The following WASHC4 variants were observed in gnomAD, a reference collection of about 807,000 sequenced individuals.
WASHC4 encodes the protein WASH complex subunit 7.
In WASHC4, 86 loss-of-function variants were observed where a neutral mutation model predicts 166.6. The observed-to-expected ratio is 0.52, with a 90% CI of 0.43 to 0.62. WASHC4 has a LOEUF of 0.62. Among genes scored for constraint, WASHC4 ranks in the 20% least tolerant of loss-of-function variants. The pLI is 0.00. For synonymous variants in WASHC4, 446 were observed against 451.6 expected, an observed-to-expected ratio of 0.99 and a Z score of 0.16; for missense variants, 1,262 against 1,382.4, an observed-to-expected ratio of 0.91 and a Z score of 1.38.
rs1336242651 is a variant in WASHC4, at chr12:105,157,270, G to C, written c.2860G>C (p.Glu954Gln). ...TGATCTTGAAGATATTGTAAATTTTGAAGAACTAGTAAAAGAAGAAGGTCT... is the reference window on the plus strand; with the variant it reads ...TGATCTTGAAGATATTGTAAATTTTCAAGAACTAGTAAAAGAAGAAGGTCT... ...VPDLEDIVNF[E>Q]ELVKEEGLAE... is the part of the protein sequence containing the mutation. The change falls in exon 28 of 33, where the codon GAA becomes CAA. Residue 954 changes from glutamate (E) to glutamine (Q), a missense_variant. Physicochemically the swap from Glu to Gln is conservative, Grantham distance 29 (BLOSUM62 2). Transcript: ENST00000332180. 3 of 1,565,676 alleles carry C rather than the reference G, an allele frequency of 1.9e-6. No individual in the cohort carries two copies. The highest frequency in any genetic ancestry group is 2.7e-5 in the African/African-American group (2 of 73,954).
chr12:105,164,344 T>TA (rs1437167085), intron 31 of WASHC4, 37 bp downstream of exon 31: 14 of 1,533,736 alleles, frequency 9.1e-6, no homozygotes, highest in African/African-American at 2.7e-5. Flanking sequence ...TGCTTTGACT[T>TA]ACCATTTGAT....
intron 25 of WASHC4, among the ~76,000 whole-genome samples, chr12:105,150,176 A>T (rs1237236562): frequency 6.6e-6 from 1 of 152,264 alleles, no homozygotes; most frequent in Non-Finnish European, 1.5e-5. Flanking sequence ...TATTATACAT[A>T]GCATTTTGCA....
intron 6 of WASHC4, among the ~76,000 whole-genome samples, chr12:105,118,191 C>T (rs1316335260): frequency 2.0e-5 from 3 of 151,050 alleles, no homozygotes; most frequent in Non-Finnish European, 4.4e-5. Flanking sequence ...ATATAAGTAA[C>T]TACAATATTA....
rs78835783 is a variant in WASHC4 at position 105,111,784 on chromosome 12, A to G, written c.201+520A>G. ...ATTTTGAAATATTTCTTTTATCTTTAAAATTAGTTTGTTACCACTTGAAAA... is the reference window on the plus strand; with the variant it reads ...ATTTTGAAATATTTCTTTTATCTTTGAAATTAGTTTGTTACCACTTGAAAA... On this transcript the variant is annotated intron_variant, in intron 2 of 32. Transcript: ENST00000332180. Among the ~76,000 whole-genome samples, 596 of 152,302 alleles carry G rather than the reference A, an allele frequency of 3.9e-3. 20 individuals carry two copies. In the East Asian group the frequency reaches 0.073, roughly 19 times the overall value.
In WASHC4 at chr12:105,144,834, A is replaced by AT; in HGVS notation, c.2297dup (p.Met766IlefsTer16). ...AGCTACTCAGCGTTATGGACTGGTT[A>AT]TGACAGAGGCACATCTTCCCAGTCA... On this transcript the variant is annotated frameshift_variant, in exon 22 of 33. Transcript: ENST00000332180. LOFTEE classifies it high-confidence loss of function. 1 of 1,613,314 alleles carries AT rather than the reference A, an allele frequency of 6.2e-7. No homozygotes were observed. Among genetic ancestry groups the AT allele is most frequent in the Non-Finnish European group, 8.5e-7 (1 of 1,179,498 alleles).
rs1244843443 is a variant in WASHC4, at chr12:105,107,772, G to A, written c.-29G>A. The A allele has an allele frequency of 3.9e-6, 6 of 1,535,482 alleles. No individual in the cohort carries two copies. The highest frequency in any genetic ancestry group is 1.2e-5 in the South Asian group (1 of 83,664). Reference sequence around the variant, plus strand: ...CCGTCGTCGCCGCACGGGCTGGTTGGGGCTGTGTCTGTGGGAGGCGCCGGG... The same window carrying A: ...CCGTCGTCGCCGCACGGGCTGGTTGAGGCTGTGTCTGTGGGAGGCGCCGGG... On this transcript the variant is annotated 5_prime_UTR_variant, in exon 1 of 33. Coordinates refer to ENST00000332180, the MANE Select transcript of WASHC4 (RefSeq NM_015275.3).
chr12:105,111,290 A>G (rs1395879521), intron 2 of WASHC4, 26 bp downstream of exon 2: 4 of 1,480,374 alleles, frequency 2.7e-6, no homozygotes, highest in African/African-American at 2.8e-5. Context: ...TTAAAAATAT[A>G]TGTATATATT....
At chr12:105,113,832 C>T (rs1592840570) in intron 2 of WASHC4, among the ~76,000 whole-genome samples, 1 of 151,924 alleles carries the variant, frequency 6.6e-6, no homozygotes, top group African/African-American at 2.4e-5. Context: ...TTTATTTTGA[C>T]CCTTTAGCTA....
chr12:105,117,832 A>C (rs369705729), intron 6 of WASHC4, among the ~76,000 whole-genome samples: 1 of 152,200 alleles, frequency 6.6e-6, no homozygotes, highest in Non-Finnish European at 1.5e-5. Context: ...AGAGCTTCTG[A>C]AAATGGATTT....
At chr12:105,165,771 G>C (rs1483433081) in intron 32 of WASHC4, among the ~76,000 whole-genome samples, 1 of 151,852 alleles carries the variant, frequency 6.6e-6, no homozygotes, top group African/African-American at 2.4e-5. Flanking sequence ...TATTAATTAG[G>C]TGCATATCCA....
intron 32 of WASHC4, among the ~76,000 whole-genome samples, chr12:105,165,262 C>G (rs912357162): frequency 2.0e-5 from 3 of 152,178 alleles, no homozygotes; most frequent in African/African-American, 7.2e-5. Context: ...CAATGAACTT[C>G]AGTCATTAAG....
At chr12:105,116,558 G>A (rs1880200973) in intron 6 of WASHC4, among the ~76,000 whole-genome samples, 1 of 152,068 alleles carries the variant, frequency 6.6e-6, no homozygotes. Context: ...ACAACATGAA[G>A]ATTACAGGTA....
chr12:105,110,240 A>G (rs1879537812), intron 1 of WASHC4, among the ~76,000 whole-genome samples: 2 of 152,236 alleles, frequency 1.3e-5, no homozygotes, highest in South Asian at 4.1e-4. Flanking sequence ...AGCATGAGTC[A>G]GAACACACTT....
intron 32 of WASHC4, 80 bp downstream of exon 32, chr12:105,164,820 A>C: frequency 1.1e-6 from 1 of 920,686 alleles, no homozygotes; most frequent in Non-Finnish European, 1.7e-6. Flanking sequence ...ATCTGGTCAG[A>C]CATCTAGCTT....
intron 15 of WASHC4, among the ~76,000 whole-genome samples, chr12:105,138,787 TATAA>T (rs1882542920): frequency 6.6e-6 from 1 of 152,198 alleles, no homozygotes; most frequent in African/African-American, 2.4e-5. Context: ...TTTTATGAAC[TATAA>T]ATACAGACAA....
At chr12:105,109,817 G>C (rs1247022990) in intron 1 of WASHC4, among the ~76,000 whole-genome samples, 1 of 152,032 alleles carries the variant, frequency 6.6e-6, no homozygotes, top group Non-Finnish European at 1.5e-5. Flanking sequence ...TAGAGACAAG[G>C]TTTTGCCATG....
In WASHC4 at chr12:105,147,084, A is replaced by G. The variant is rs774363088; in HGVS notation, c.2452A>G (p.Ile818Val). 2 of 1,611,432 alleles carry G rather than the reference A, an allele frequency of 1.2e-6. No individual in the cohort carries two copies. The highest frequency in any genetic ancestry group is 1.1e-5 in the South Asian group (1 of 91,038). Residue 818 changes from isoleucine (I) to valine (V), a missense_variant, in exon 24 of 33, where the codon ATT (isoleucine) becomes GTT (valine). Coordinates refer to ENST00000332180, the MANE Select transcript of WASHC4 (RefSeq NM_015275.3). ...AAGCAATAACAAGCATTTGAATACT[A>G]TTAATATTCGGCATATTGCTAATTC... The part of the protein sequence containing the change: ...RTSNNKHLNT[I>V]NIRHIANSIR...
At position 105,113,699 on chromosome 12, in the gene WASHC4, A is replaced by G. The variant is rs562513993; in HGVS notation, c.202-517A>G. Reference sequence around the variant, plus strand: ...CTTGATAAATAGATCACATATAGTCAATGATCAGGAAGAGGTGGAAATTGA... The same window carrying G: ...CTTGATAAATAGATCACATATAGTCGATGATCAGGAAGAGGTGGAAATTGA... On this transcript the variant is annotated intron_variant, in intron 2 of 32. Coordinates refer to ENST00000332180, the MANE Select transcript of WASHC4 (RefSeq NM_015275.3). Among the ~76,000 whole-genome samples the G allele has an allele frequency of 3.9e-5, 6 of 152,060 alleles. No individual in the cohort carries two copies. In the South Asian group the frequency reaches 1.2e-3, roughly 31 times the overall value.
intron 10 of WASHC4, among the ~76,000 whole-genome samples, chr12:105,124,800 C>T (rs971761072): frequency 6.6e-6 from 1 of 152,126 alleles, no homozygotes; most frequent in African/African-American, 2.4e-5. Flanking sequence ...TTTAAGACAA[C>T]CCTTAACAAG....
Sources: gnomAD v4.1 joint callset for allele counts (sites outside exome capture counted in the v4.1 genomes callset) on GRCh38, gnomAD v4.1.1 for gene constraint, MANE v1.5 for transcripts, NCBI Gene and HGNC (gene_info 2026-07-23, HGNC 2026-07-21) for gene names.